The following STK10 variants were observed in gnomAD, a reference collection of about 807,000 sequenced individuals.
STK10 encodes the protein serine/threonine-protein kinase 10.
In STK10, 78 loss-of-function variants were observed where a neutral mutation model predicts 113.8. The observed-to-expected ratio is 0.69, with a 90% CI of 0.57 to 0.83. The LOEUF (loss-of-function observed/expected upper bound fraction) is 0.83, where lower values mean the gene tolerates loss of function less well. Ranked by LOEUF, STK10 falls within the 40% of genes least tolerant of loss-of-function variation. STK10 has a pLI of 0.00. For synonymous variants in STK10, 465 were observed against 494.7 expected, an observed-to-expected ratio of 0.94 and a Z score of 0.80; for missense variants, 1,109 against 1,280.1, an observed-to-expected ratio of 0.87 and a Z score of 2.04.
rs1003515615 is a variant in STK10, at chr5:172,082,322, T to G, written c.1989+4A>C. 3 of 1,543,958 alleles carry G rather than the reference T, an allele frequency of 1.9e-6. No individual in the cohort carries two copies. Among genetic ancestry groups the G allele is most frequent in the Non-Finnish European group, 1.7e-6 (2 of 1,146,776 alleles). Reference sequence around the variant, plus strand: ...GCCCCTGCCCCCACTGAGCACATACTCACCTCTTTCTTCATCAGTTTGAGC... The same window carrying G: ...GCCCCTGCCCCCACTGAGCACATACGCACCTCTTTCTTCATCAGTTTGAGC... On this transcript the variant is annotated splice_donor_region_variant and intron_variant, in intron 12 of 18. Transcript: ENST00000176763. The surrounding 1 kb of genome is among the most constrained non-coding windows in gnomAD (Gnocchi z 4.3).
intron 3 of STK10, among the ~76,000 whole-genome samples, chr5:172,122,119 G>C (rs1021217714): frequency 4.6e-5 from 7 of 152,190 alleles, no homozygotes; most frequent in African/African-American, 1.7e-4. Flanking sequence ...ACCCGCCGCA[G>C]CCTTCCTAAG....
Position 172,049,850 on chromosome 5 carries a change from T to C in STK10, c.2766+3079A>G, listed in dbSNP as rs555935907. ...TGGAGTTTCACTCTTTCGCCCAGGC[T>C]GGAGTGAAGTGGTGAGATCTTGGCT... On this transcript the variant is annotated intron_variant, in intron 18 of 18. Transcript: ENST00000176763. Among the ~76,000 whole-genome samples the C allele has an allele frequency of 3.1e-3, 465 of 152,344 alleles. 4 individuals are homozygous for C. Among genetic ancestry groups the C allele is most frequent in the Middle Eastern group, 0.017 (5 of 294 alleles).
intron 15 of STK10, among the ~76,000 whole-genome samples, chr5:172,056,614 T>G (rs554599923): frequency 4.6e-5 from 7 of 152,120 alleles, no homozygotes; most frequent in African/African-American, 1.7e-4. Flanking sequence ...ACGCCTGTAA[T>G]CCTGGCACTT....
Position 172,112,419 on chromosome 5 carries a change from T to A in STK10, c.521-4567A>T, listed in dbSNP as rs938673821. On this transcript the variant is annotated intron_variant, in intron 4 of 18. Coordinates refer to ENST00000176763, the MANE Select transcript of STK10 (RefSeq NM_005990.4). ...GCAGTGCACAGAAGGGACCTTACTT[T>A]TTTTTTTTTTTTTTTTTTTTGAGAC... 6.2e-5 allele frequency among the ~76,000 whole-genome samples: 7 copies of A among 112,366 alleles called. No individual in the cohort carries two copies. The East Asian group carries it at 1.5e-3, about 24-fold the overall frequency. The allele number at this position is 112,366 out of a possible 152,430, so 73.7% of individuals were successfully genotyped here. A position where few individuals can be genotyped will look rare whatever the true frequency, so the allele number is the denominator to read the frequency against.
intron 10 of STK10, among the ~76,000 whole-genome samples, chr5:172,086,115 A>C (rs2113735775): frequency 6.6e-6 from 1 of 152,346 alleles, no homozygotes; most frequent in East Asian, 1.9e-4. Context: ...AATGAGGCTA[A>C]CAATCTTTAC....
chr5:172,087,623 A>ATTTATTTTTTTT lies in STK10; in HGVS notation c.1685+2608_1685+2609insAAAAAAAATAAA, dbSNP rs1462186039. On this transcript the variant is annotated intron_variant, in intron 10 of 18. Coordinates refer to ENST00000176763, the MANE Select transcript of STK10 (RefSeq NM_005990.4). ...ATTTTTTAAATTTATTTACTTATTT[A>ATTTATTTTTTTT]TTTTTTTTTTTTTTTTGAGACGGAG... is the stretch of plus-strand genomic sequence containing the variant. 2.3e-5 allele frequency among the ~76,000 whole-genome samples: 2 copies of ATTTATTTTTTTT among 85,186 alleles called. 1 individual carries two copies. The highest frequency in any genetic ancestry group is 1.2e-4 in the African/African-American group (2 of 17,194). 55.9% of individuals were successfully genotyped at this position (85,186 alleles called of 152,430 possible).
chr5:172,093,296 C>A lies in STK10; in HGVS notation c.1554+116G>T. ...AACTATGAGTCAAACCCAAAACCCCCTAATGAACCACTTAAAATGCAAGGA... is the reference window on the plus strand; with the variant it reads ...AACTATGAGTCAAACCCAAAACCCCATAATGAACCACTTAAAATGCAAGGA... On this transcript the variant is annotated intron_variant, in intron 9 of 18. Coordinates refer to ENST00000176763, the MANE Select transcript of STK10 (RefSeq NM_005990.4). The surrounding 1 kb of genome is among the most constrained non-coding windows in gnomAD (Gnocchi z 4.1). 1 of 1,157,360 alleles carries A rather than the reference C, an allele frequency of 8.6e-7. No homozygotes were observed. Among genetic ancestry groups the A allele is most frequent in the East Asian group, 2.4e-5 (1 of 41,760 alleles). The allele number at this position is 1,157,360 out of a possible 1,614,324, so 71.7% of individuals were successfully genotyped here.
At chr5:172,086,798 C>G (rs77300246) in intron 10 of STK10, among the ~76,000 whole-genome samples, 1 of 152,108 alleles carries the variant, frequency 6.6e-6, no homozygotes, top group Non-Finnish European at 1.5e-5. Flanking sequence ...AATCCCGGTT[C>G]CTGCCGAGCA....
chr5:172,180,190 G>A lies in STK10; in HGVS notation c.156+7697C>T, dbSNP rs141479947. 2.2e-3 allele frequency among the ~76,000 whole-genome samples: 340 copies of A among 152,376 alleles called. 1 individual carries two copies. The highest frequency in any genetic ancestry group is 7.8e-3 in the African/African-American group (324 of 41,596). On this transcript the variant is annotated intron_variant, in intron 1 of 18. Coordinates refer to ENST00000176763, the MANE Select transcript of STK10 (RefSeq NM_005990.4). ...TTTGAAAGTCCGGCCTAGGCCGGGC[G>A]TGGTGGCTCACGCCTGTAATCCCAG...
chr5:172,085,452 G>A (rs142382866), intron 10 of STK10, among the ~76,000 whole-genome samples: 1 of 152,044 alleles, frequency 6.6e-6, no homozygotes, highest in African/African-American at 2.4e-5. Context: ...ACTTTGGGGG[G>A]CTGAGGCTGG....
intron 1 of STK10, among the ~76,000 whole-genome samples, chr5:172,168,722 A>T (rs1360629525): frequency 2.6e-5 from 4 of 152,192 alleles, no homozygotes; most frequent in Non-Finnish European, 5.9e-5. Flanking sequence ...GTCCCAGGTC[A>T]CATAGCTAGG....
rs1465193208 is a variant in STK10 at position 172,064,729 on chromosome 5, C to T, written c.2073G>A (p.Lys691=). Residue 691 remains lysine, a synonymous_variant, in exon 13 of 19, where the codon AAG becomes AAA. Coordinates refer to ENST00000176763, the MANE Select transcript of STK10 (RefSeq NM_005990.4). ...KQKMEEHTQK[K]QLLDRDFVAK... ...GAGGCCAGGGACTCACAAGAAGCTG[C>T]TTTTTCTGCGTGTGCTCCTCCATCT... The T allele has an allele frequency of 2.0e-5, 32 of 1,614,136 alleles. No homozygotes were observed. The highest frequency in any genetic ancestry group is 2.7e-5 in the Non-Finnish European group (32 of 1,180,012).
intron 15 of STK10, among the ~76,000 whole-genome samples, 192 bp from the exon 16 acceptor site, chr5:172,055,968 TTAATA>T (rs1254969243): frequency 6.6e-6 from 1 of 152,240 alleles, no homozygotes; most frequent in African/African-American, 2.4e-5. Flanking sequence ...AAAATTCTTG[TTAATA>T]ATATCTTGGA....
At position 172,064,815 on chromosome 5, in the gene STK10, G is replaced by GCAGCAGAGA. The variant is rs761020720; in HGVS notation, c.1990-12_1990-4dup. 6 of 1,614,042 alleles carry GCAGCAGAGA rather than the reference G, an allele frequency of 3.7e-6. No homozygotes were observed. Among genetic ancestry groups the GCAGCAGAGA allele is most frequent in the South Asian group, 3.3e-5 (3 of 91,086 alleles). ...AGCTTCTCCACCTCGTTCTTCACCT[G>GCAGCAGAGA]CAGCAGAGACAGCAGAGAGTAGCTG... On this transcript the variant is annotated splice_region_variant and splice_polypyrimidine_tract_variant and intron_variant, in intron 12 of 18. Transcript: ENST00000176763.
chr5:172,095,077 C>A (rs1214384961), intron 8 of STK10, among the ~76,000 whole-genome samples: 2 of 152,246 alleles, frequency 1.3e-5, no homozygotes, highest in Non-Finnish European at 2.9e-5. Flanking sequence ...CACCTCTTGA[C>A]ATAGTCACTG....
At chr5:172,167,438 G>A (rs1770592245) in intron 1 of STK10, among the ~76,000 whole-genome samples, 2 of 152,174 alleles carry the variant, frequency 1.3e-5, no homozygotes, top group Non-Finnish European at 2.9e-5. Flanking sequence ...CCTATGGACA[G>A]GGACGAGCTA....
chr5:172,178,533 C>T (rs549034074), intron 1 of STK10, among the ~76,000 whole-genome samples: 4 of 152,294 alleles, frequency 2.6e-5, no homozygotes, highest in South Asian at 2.1e-4. Context: ...TGAGCACCTA[C>T]GGTGGCTAAC....
chr5:172,183,154 C>T (rs952997175), intron 1 of STK10, among the ~76,000 whole-genome samples: 2 of 152,182 alleles, frequency 1.3e-5, no homozygotes, highest in Non-Finnish European at 2.9e-5. Flanking sequence ...CTGAAGTAAG[C>T]AATGATGGTG....
rs1770995458 is a variant in STK10 at position 172,188,143 on chromosome 5, C to T, written c.-101G>A. ...GAGGAGGAGTTGGAGGACGCCGCGT[C>T]TCTCGGGGTTCTCCCCAGACCCGCC... is the stretch of plus-strand genomic sequence containing the variant. On this transcript the variant is annotated 5_prime_UTR_variant, in exon 1 of 19. Transcript: ENST00000176763. This position sits in a 1 kb window ranked among gnomAD's most constrained non-coding sequence, Gnocchi z 5.6. 6.7e-6 allele frequency: 10 copies of T among 1,495,744 alleles called. No homozygotes were observed. The highest frequency in any genetic ancestry group is 8.0e-6 in the Non-Finnish European group (9 of 1,119,882). 92.7% of individuals were successfully genotyped at this position (1,495,744 alleles called of 1,614,324 possible).
Sources: allele counts gnomAD v4.1 joint callset (sites outside exome capture counted in the v4.1 genomes callset), GRCh38; gene constraint gnomAD v4.1.1; non-coding constraint Gnocchi (gnomAD v3.1); transcripts MANE v1.5; gene names NCBI Gene and HGNC (gene_info 2026-07-23, HGNC 2026-07-21).